The following RAPGEF4 variants were observed in gnomAD, a reference collection of about 807,000 sequenced individuals.
RAPGEF4 encodes the protein RAP guanine-nucleotide-exchange factor (GEF) 4.
RAPGEF4 carries 66 observed loss-of-function variants against 147.9 expected under a neutral mutation model. The observed-to-expected ratio is 0.45, with a 90% CI of 0.37 to 0.55. The LOEUF (loss-of-function observed/expected upper bound fraction) is 0.55, where lower values mean the gene tolerates loss of function less well. Among genes scored for constraint, RAPGEF4 ranks in the 20% least tolerant of loss-of-function variants. The pLI, the probability that RAPGEF4 is intolerant of heterozygous loss-of-function variation, is 0.00. For missense variants in RAPGEF4, 1,071 were observed against 1,257.3 expected, an observed-to-expected ratio of 0.85 and a Z score of 2.24; for synonymous variants, 419 against 442.7, an observed-to-expected ratio of 0.95 and a Z score of 0.67.
Position 173,027,139 on chromosome 2 carries a change from T to G in RAPGEF4, c.2438T>G (p.Leu813Trp). 6.2e-7 allele frequency: 1 copy of G among 1,613,314 alleles called. No individual in the cohort carries two copies. Among genetic ancestry groups the G allele is most frequent in the Non-Finnish European group, 8.5e-7 (1 of 1,179,688 alleles). Residue 813 changes from leucine (L) to tryptophan (W), a missense_variant, in exon 25 of 31, where the codon TTG becomes TGG. By Grantham distance (61) the Leu-to-Trp change is moderately conservative. Transcript: ENST00000397081. The part of the protein sequence containing the change: ...RHNFKKTTAN[L>W]DLFLRRFNEI... ...AATTTTAAAAAGACCACAGCAAACT[T>G]GGATTTGTTCCTGAGGAGATTTAAT...
At chr2:172,918,291 A>G (rs1263014706) in intron 5 of RAPGEF4, among the ~76,000 whole-genome samples, 11 of 129,816 alleles carry the variant, frequency 8.5e-5, no homozygotes. Flanking sequence ...GAAGAGGAGA[A>G]GTGGGGTGAG....
intron 4 of RAPGEF4, among the ~76,000 whole-genome samples, chr2:172,899,957 C>T (rs1698897179): frequency 6.6e-6 from 1 of 152,144 alleles, no homozygotes; most frequent in Non-Finnish European, 1.5e-5. Flanking sequence ...GCTTTGTTGC[C>T]CTGAGATGCA....
chr2:172,825,716 T>C (rs767849596), intron 4 of RAPGEF4, among the ~76,000 whole-genome samples: 50 of 152,218 alleles, frequency 3.3e-4, no homozygotes, highest in Admixed American at 1.4e-3. Context: ...TTAAAGTACA[T>C]ACCTTTTAAA....
chr2:172,950,532 T>G (rs1169640027), intron 6 of RAPGEF4, among the ~76,000 whole-genome samples: 1 of 152,222 alleles, frequency 6.6e-6, no homozygotes, highest in African/African-American at 2.4e-5. Flanking sequence ...GATTATGTTG[T>G]GTTTTTATGT....
At chr2:172,998,766 C>T (rs1475287260) in intron 16 of RAPGEF4, among the ~76,000 whole-genome samples, 1 of 152,168 alleles carries the variant, frequency 6.6e-6, no homozygotes, top group Non-Finnish European at 1.5e-5. Context: ...GGAAAAAATG[C>T]AGCTGATTTT....
chr2:172,863,835 G>A (rs1373615027), intron 4 of RAPGEF4, among the ~76,000 whole-genome samples: 1 of 152,006 alleles, frequency 6.6e-6, no homozygotes, highest in African/African-American at 2.4e-5. Context: ...CCACCCTCGG[G>A]TCAAAGTCAT....
chr2:172,877,145 A>G (rs1456869992), intron 4 of RAPGEF4, among the ~76,000 whole-genome samples: 1 of 152,220 alleles, frequency 6.6e-6, no homozygotes, highest in South Asian at 2.1e-4. Context: ...TTGGATAAAG[A>G]AAATGGGGCA....
intron 15 of RAPGEF4, among the ~76,000 whole-genome samples, chr2:172,992,956 G>A (rs373205598): frequency 1.2e-4 from 19 of 152,152 alleles, no homozygotes; most frequent in African/African-American, 3.4e-4. Context: ...CTGATATTCC[G>A]GACTTCAAAA....
At chr2:172,825,125 G>T (rs2149646476) in intron 4 of RAPGEF4, among the ~76,000 whole-genome samples, 1 of 152,284 alleles carries the variant, frequency 6.6e-6, no homozygotes, top group African/African-American at 2.4e-5. Context: ...CCCATTGTAA[G>T]TTGAAAATAC....
intron 4 of RAPGEF4, among the ~76,000 whole-genome samples, chr2:172,830,567 A>C (rs991515324): frequency 1.3e-5 from 2 of 151,908 alleles, no homozygotes; most frequent in Admixed American, 6.6e-5. Context: ...AAGTAGTCAT[A>C]ACACAACCCA....
intron 10 of RAPGEF4, among the ~76,000 whole-genome samples, chr2:172,974,631 C>T (rs1388050887): frequency 1.3e-5 from 2 of 152,138 alleles, no homozygotes; most frequent in Non-Finnish European, 2.9e-5. Context: ...TGCAGTGAGC[C>T]GTGATCATCT....
chr2:173,022,123 A>T (rs1696159801), intron 23 of RAPGEF4, among the ~76,000 whole-genome samples: 3 of 152,200 alleles, frequency 2.0e-5, no homozygotes. Context: ...GCGCAGCCCC[A>T]TTAAAGGTGC....
intron 4 of RAPGEF4, among the ~76,000 whole-genome samples, chr2:172,841,190 A>C (rs1691546982): frequency 6.6e-6 from 1 of 152,152 alleles, no homozygotes; most frequent in South Asian, 2.1e-4. Flanking sequence ...ATCCCTCATG[A>C]ATGGCTTTGT....
chr2:172,840,382 A>G (rs1691447877), intron 4 of RAPGEF4, among the ~76,000 whole-genome samples: 1 of 152,256 alleles, frequency 6.6e-6, no homozygotes, highest in Non-Finnish European at 1.5e-5. Flanking sequence ...AGCCAGATCA[A>G]CCTGGTTATC....
chr2:172,779,058 G>A (rs570606177), intron 1 of RAPGEF4, among the ~76,000 whole-genome samples: 36 of 152,024 alleles, frequency 2.4e-4, no homozygotes, highest in Non-Finnish European at 3.8e-4. Context: ...ACATTCTCAT[G>A]TACAAATAAA....
intron 28 of RAPGEF4, 100 bp from the exon 29 acceptor site, chr2:173,036,528 G>T: frequency 1.1e-6 from 1 of 933,718 alleles, no homozygotes. Flanking sequence ...CAACTGTAGT[G>T]TTATGCAAAT....
chr2:172,860,897 T>C (rs1014773151), intron 4 of RAPGEF4, among the ~76,000 whole-genome samples: 1 of 152,160 alleles, frequency 6.6e-6, no homozygotes, highest in African/African-American at 2.4e-5. Flanking sequence ...TTTAAAAATT[T>C]GTCAATTATT....
intron 10 of RAPGEF4, among the ~76,000 whole-genome samples, chr2:172,982,192 A>G (rs949212018): frequency 2.6e-5 from 4 of 152,240 alleles, no homozygotes; most frequent in Admixed American, 6.5e-5. Context: ...TTCTTTGACC[A>G]GGGAACACCT....
chr2:172,877,777 C>T (rs901446613), intron 4 of RAPGEF4, among the ~76,000 whole-genome samples: 7 of 152,164 alleles, frequency 4.6e-5, no homozygotes, highest in Admixed American at 4.6e-4. Context: ...CATTGCTACC[C>T]TGATGCCCCT....
Sources: allele counts gnomAD v4.1 joint callset (sites outside exome capture counted in the v4.1 genomes callset), GRCh38; gene constraint gnomAD v4.1.1; transcripts MANE v1.5; gene names NCBI Gene and HGNC (gene_info 2026-07-23, HGNC 2026-07-21).